The following RAPGEF2 variants were observed in gnomAD, a reference collection of about 807,000 sequenced individuals.
The protein encoded by RAPGEF2 is PDZ domain containing guanine nucleotide exchange factor (GEF) 1.
RAPGEF2 carries 54 observed loss-of-function variants against 186.7 expected under a neutral mutation model. The observed-to-expected ratio is 0.29, with a 90% CI of 0.23 to 0.36. The LOEUF is 0.36. RAPGEF2 is among the 10% of genes least tolerant of loss of function. The probability of loss-of-function intolerance (pLI) is 1.00; values close to 1 mark genes in which losing one functional copy is unlikely to be tolerated. For missense variants in RAPGEF2, 1,532 were observed against 2,045.0 expected (o/e 0.75, Z 4.84); for synonymous variants, 712 against 705.9 (o/e 1.01, Z -0.14).
intron 11 of RAPGEF2, among the ~76,000 whole-genome samples, chr4:159,324,805 C>T (rs1247471516): frequency 1.3e-5 from 2 of 152,202 alleles, no homozygotes; most frequent in African/African-American, 2.4e-5. Context: ...ATTTAACTGG[C>T]AACCACTATA....
chr4:159,104,536 G>GAGAGAGAGAC (rs1737629476), intron 1 of RAPGEF2, among the ~76,000 whole-genome samples: 2 of 102,872 alleles, frequency 1.9e-5, no homozygotes, highest in African/African-American at 9.9e-5. Flanking sequence ...GGGAGAGACA[G>GAGAGAGAGAC]AGAGAGAGAG....
chr4:159,157,542 A>G (rs567598921), intron 1 of RAPGEF2, among the ~76,000 whole-genome samples: 41 of 152,324 alleles, frequency 2.7e-4, no homozygotes, highest in South Asian at 1.7e-3. Context: ...TTAACTGACT[A>G]TGTCTGTTAG....
chr4:159,300,912 T>A (rs944039763), intron 7 of RAPGEF2, among the ~76,000 whole-genome samples: 5 of 152,208 alleles, frequency 3.3e-5, no homozygotes, highest in Non-Finnish European at 7.3e-5. Context: ...CTACATGGTT[T>A]GTTTGCCTCC....
At chr4:159,305,134 T>G (rs1763128978) in intron 8 of RAPGEF2, among the ~76,000 whole-genome samples, 1 of 152,242 alleles carries the variant, frequency 6.6e-6, no homozygotes, top group Non-Finnish European at 1.5e-5. Flanking sequence ...AGTGCTGCAA[T>G]AAACATACAG....
intron 8 of RAPGEF2, among the ~76,000 whole-genome samples, chr4:159,310,988 A>AT (rs112605768): frequency 7.3e-5 from 11 of 151,398 alleles, no homozygotes; most frequent in Admixed American, 4.0e-4. Context: ...TTATATTTCA[A>AT]TTTTTTTTTA....
At chr4:159,330,728 C>CAAT in intron 13 of RAPGEF2, 1 of 429,392 alleles carries the variant, frequency 2.3e-6, no homozygotes, top group Non-Finnish European at 4.1e-6. Context: ...ACACAAAGGC[C>CAAT]AATAAATTGG....
rs369219910 is a variant in RAPGEF2 at position 159,198,433 on chromosome 4, T to TC, written c.197+5177_197+5178insC. On this transcript the variant is annotated intron_variant, in intron 3 of 29. Transcript: ENST00000691494. ...CTCTTCCTCTCTCTCTCTCTCTCTC[T>TC]TTCTTTCTTTCTTCTTACTGTTTTT... Among the ~76,000 whole-genome samples the TC allele has an allele frequency of 5.6e-5, 4 of 71,854 alleles. 1 individual carries two copies. The highest frequency in any genetic ancestry group is 1.7e-4 in the African/African-American group (4 of 24,106). 47.1% of individuals were successfully genotyped at this position (71,854 alleles called of 152,430 possible).
chr4:159,254,583 T>TACCTA (rs1755903670), intron 7 of RAPGEF2, among the ~76,000 whole-genome samples: 1 of 150,622 alleles, frequency 6.6e-6, no homozygotes, highest in Non-Finnish European at 1.5e-5. Flanking sequence ...CCAAAATCTG[T>TACCTA]ACCTAATACA....
At chr4:159,135,727 G>A in intron 1 of RAPGEF2, among the ~76,000 whole-genome samples, 1 of 152,122 alleles carries the variant, frequency 6.6e-6, no homozygotes, top group Admixed American at 6.5e-5. Context: ...AGCCTCCTGA[G>A]TAGCTGGGAT....
chr4:159,125,487 G>A (rs541664122), intron 1 of RAPGEF2, among the ~76,000 whole-genome samples: 3 of 152,152 alleles, frequency 2.0e-5, no homozygotes, highest in African/African-American at 7.2e-5. Flanking sequence ...GGCTGGGCGC[G>A]GTGGCTCACA....
chr4:159,178,938 T>TA (rs1215533385), intron 1 of RAPGEF2, among the ~76,000 whole-genome samples: 1 of 152,206 alleles, frequency 6.6e-6, no homozygotes, highest in African/African-American at 2.4e-5. Context: ...CTAAAGTACT[T>TA]AAAGGATGCT....
In RAPGEF2 at chr4:159,352,755, A is replaced by G; in HGVS notation, c.3936A>G (p.Arg1312=). 1 of 1,614,228 alleles carries G rather than the reference A, an allele frequency of 6.2e-7. No homozygotes were observed. Among genetic ancestry groups the G allele is most frequent in the Non-Finnish European group, 8.5e-7 (1 of 1,180,032 alleles). The part of the protein sequence containing the change: ...SDSGHSEISS[R]SSIVSNSSFD... ...CTGGTCACAGTGAAATTTCTTCACGATCCAGTATTGTTAGCAATTCGTCTT... is the reference window on the plus strand; with the variant it reads ...CTGGTCACAGTGAAATTTCTTCACGGTCCAGTATTGTTAGCAATTCGTCTT... The change falls in exon 27 of 30, where the codon CGA becomes CGG. Residue 1312 remains arginine, a synonymous_variant. Coordinates refer to ENST00000691494, the MANE Select transcript of RAPGEF2 (RefSeq NM_001394067.2).
chr4:159,193,418 A>G (rs530113986), intron 3 of RAPGEF2, among the ~76,000 whole-genome samples, 162 bp downstream of exon 3: 1 of 152,328 alleles, frequency 6.6e-6, no homozygotes, highest in Admixed American at 6.5e-5. Context: ...ATAAAATAAA[A>G]GTTTACAGTT....
chr4:159,281,330 A>G (rs577297775), intron 7 of RAPGEF2, among the ~76,000 whole-genome samples: 136 of 152,064 alleles, frequency 8.9e-4, no homozygotes, highest in Non-Finnish European at 1.5e-3. Flanking sequence ...TCCCTTCAAA[A>G]TGGAGATCAT....
rs1184073500 is a variant in RAPGEF2 at position 159,346,772 on chromosome 4, AC to A, written c.3503-14del. 23 of 1,606,534 alleles carry A rather than the reference AC, an allele frequency of 1.4e-5. No individual in the cohort carries two copies. The East Asian group carries it at 5.1e-4, about 36-fold the overall frequency. ...CTAAAATTCTTTGTTCTATTTTCAA[AC>A]CCAAACAATTATCAGTGCCTAAGAA... is the stretch of plus-strand genomic sequence containing the variant. On this transcript the variant is annotated splice_polypyrimidine_tract_variant and intron_variant, in intron 24 of 29. Coordinates refer to ENST00000691494, the MANE Select transcript of RAPGEF2 (RefSeq NM_001394067.2).
intron 4 of RAPGEF2, among the ~76,000 whole-genome samples, chr4:159,235,421 T>C (rs912666043): frequency 1.3e-5 from 2 of 152,242 alleles, no homozygotes; most frequent in Admixed American, 6.5e-5. Flanking sequence ...ACTTTTTCAG[T>C]GTAGAGCATT....
chr4:159,293,911 G>T (rs1250174015), intron 7 of RAPGEF2, among the ~76,000 whole-genome samples: 1 of 152,174 alleles, frequency 6.6e-6, no homozygotes, highest in Non-Finnish European at 1.5e-5. Flanking sequence ...TTATGAGTAA[G>T]ATATAGAAGT....
At chr4:159,195,033 G>A (rs867381818) in intron 3 of RAPGEF2, among the ~76,000 whole-genome samples, 1 of 152,208 alleles carries the variant, frequency 6.6e-6, no homozygotes, top group Non-Finnish European at 1.5e-5. Context: ...CAGGTAGATA[G>A]AATCTAGGAT....
chr4:159,124,363 A>AC (rs1454759813), intron 1 of RAPGEF2, among the ~76,000 whole-genome samples: 1 of 150,638 alleles, frequency 6.6e-6, no homozygotes, highest in African/African-American at 2.4e-5. Context: ...AACATGTGAA[A>AC]CCCCGTCTCT....
Sources: allele counts gnomAD v4.1 joint callset (sites outside exome capture counted in the v4.1 genomes callset), GRCh38; gene constraint gnomAD v4.1.1; transcripts MANE v1.5; gene names NCBI Gene and HGNC (gene_info 2026-07-23, HGNC 2026-07-21).